Variants in IPCEF1 observed in about 807,000 individuals in gnomAD.
IPCEF1 encodes the protein interaction protein for cytohesin exchange factors 1, also known as interactor protein for cytohesin exchange factors 1.
A neutral mutation model predicts 50.9 loss-of-function variants in IPCEF1; 31 were observed. The observed-to-expected ratio is 0.61, with a 90% CI of 0.46 to 0.82. IPCEF1 has a LOEUF of 0.82. Among genes scored for constraint, IPCEF1 ranks in the 40% least tolerant of loss-of-function variants. The probability of loss-of-function intolerance (pLI) is 0.00; values close to 1 mark genes in which losing one functional copy is unlikely to be tolerated. For missense variants in IPCEF1, 458 were observed against 514.0 expected (o/e 0.89, Z 1.05); for synonymous variants, 181 against 192.0 (o/e 0.94, Z 0.47).
At position 154,159,861 on chromosome 6, in the gene IPCEF1, T is replaced by C. The variant is rs1798864301; in HGVS notation, c.1284A>G (p.Ser428=). The C allele has an allele frequency of 6.2e-7, 1 of 1,611,378 alleles. No homozygotes were observed. The highest frequency in any genetic ancestry group is 8.5e-7 in the Non-Finnish European group (1 of 1,179,468). The change falls in exon 12 of 12, where the codon TCA becomes TCG. Residue 428 remains serine (S), a synonymous_variant. Transcript: ENST00000367220. ...AATTTTCAACAGAGGGAGAAGAAGG[T>C]GATTTCTTGAGTTCCTGGGGGGTGT... ...TDDTPQELKK[S]PSSPSVENSI is the part of the protein sequence containing the mutation.
chr6:154,160,067 G>C, intron 11 of IPCEF1, 27 bp from the exon 12 acceptor site: 1 of 1,547,746 alleles, frequency 6.5e-7, no homozygotes, highest in South Asian at 1.1e-5. Context: ...AAAGGGGAAG[G>C]GGGTATGTTG....
chr6:154,292,439 T>G (rs1782538752), intron 1 of IPCEF1, among the ~76,000 whole-genome samples: 1 of 152,228 alleles, frequency 6.6e-6, no homozygotes, highest in South Asian at 2.1e-4. Context: ...AAATTTGCGC[T>G]ACAATCGCAT....
intron 3 of IPCEF1, among the ~76,000 whole-genome samples, chr6:154,254,068 A>G (rs1781402230): frequency 6.6e-6 from 1 of 152,094 alleles, no homozygotes; most frequent in African/African-American, 2.4e-5. Flanking sequence ...ACATTGGAAT[A>G]TGTATTTATA....
chr6:154,276,293 GA>G (rs1782060821), intron 2 of IPCEF1, among the ~76,000 whole-genome samples: 2 of 120,380 alleles, frequency 1.7e-5, no homozygotes, highest in Admixed American at 1.7e-4. Context: ...GAAAAAAAAA[GA>G]AAAGAAAAGA....
chr6:154,199,920 G>A lies in IPCEF1; in HGVS notation c.658C>T (p.Gln220Ter). ...SFPSSLSKER[Q>*]SLPDTVNSLS... The stretch of plus-strand genomic sequence containing the variant: ...CTGTTAACTGTGTCAGGCAAGGATT[G>A]TCTCTCTTTAGATAAGGAGGAAGGA... Residue 220 changes from glutamine to a stop codon, truncating the protein, a stop_gained, in exon 10 of 12, where the codon CAA (glutamine) becomes TAA (stop). Transcript: ENST00000367220. LOFTEE classifies it high-confidence loss of function. The A allele has an allele frequency of 5.6e-6, 9 of 1,614,202 alleles. No individual in the cohort carries two copies. The highest frequency in any genetic ancestry group is 7.6e-6 in the Non-Finnish European group (9 of 1,180,040).
intron 10 of IPCEF1, among the ~76,000 whole-genome samples, chr6:154,190,650 C>T (rs1801791742): frequency 6.6e-6 from 1 of 152,166 alleles, no homozygotes; most frequent in South Asian, 2.1e-4. Context: ...AGCAATTGTA[C>T]TCATTGCTAT....
chr6:154,344,813 T>G (rs1324752137), intron 1 of IPCEF1, among the ~76,000 whole-genome samples: 2 of 152,160 alleles, frequency 1.3e-5, no homozygotes, highest in Admixed American at 6.6e-5. Flanking sequence ...TGGATCATGC[T>G]CTCTCTAACT....
intron 10 of IPCEF1, among the ~76,000 whole-genome samples, chr6:154,194,026 G>T (rs1276644512): frequency 6.6e-6 from 1 of 152,208 alleles, no homozygotes; most frequent in East Asian, 1.9e-4. Context: ...GCAGGAATTT[G>T]TGACCATGAG....
intron 2 of IPCEF1, among the ~76,000 whole-genome samples, chr6:154,276,698 T>C (rs1782071993): frequency 6.6e-6 from 1 of 152,244 alleles, no homozygotes; most frequent in Non-Finnish European, 1.5e-5. Flanking sequence ...CAGAATAATC[T>C]TTGCCTTTTC....
intron 5 of IPCEF1, among the ~76,000 whole-genome samples, chr6:154,238,548 G>T (rs1342937950): frequency 6.6e-6 from 1 of 152,176 alleles, no homozygotes; most frequent in African/African-American, 2.4e-5. Context: ...TCATAGGCAT[G>T]AGCCACTACA....
intron 1 of IPCEF1, among the ~76,000 whole-genome samples, chr6:154,326,605 G>A (rs1310152881): frequency 2.6e-5 from 4 of 152,140 alleles, no homozygotes; most frequent in South Asian, 4.1e-4. Flanking sequence ...CTCTTGAATC[G>A]GAAGAATTAA....
intron 11 of IPCEF1, among the ~76,000 whole-genome samples, chr6:154,167,022 C>T (rs1799493450): frequency 6.6e-6 from 1 of 152,144 alleles, no homozygotes; most frequent in Non-Finnish European, 1.5e-5. Context: ...TACTGACTAA[C>T]TGGGACGCCT....
chr6:154,175,413 AATAG>A (rs1299719154), intron 10 of IPCEF1, among the ~76,000 whole-genome samples: 1 of 151,946 alleles, frequency 6.6e-6, no homozygotes, highest in Non-Finnish European at 1.5e-5. Flanking sequence ...AGATCAACAA[AATAG>A]ATAGAATGGT....
intron 2 of IPCEF1, among the ~76,000 whole-genome samples, chr6:154,274,597 C>T (rs1159803058): frequency 1.3e-5 from 2 of 152,204 alleles, no homozygotes; most frequent in Non-Finnish European, 2.9e-5. Context: ...TTGGCCATGC[C>T]CCTCTTGGAG....
intron 9 of IPCEF1, among the ~76,000 whole-genome samples, chr6:154,209,838 T>G (rs912775278): frequency 7.9e-5 from 12 of 152,134 alleles, no homozygotes; most frequent in Admixed American, 5.9e-4. Context: ...AAAATCTAAC[T>G]GTTCAACGTT....
rs886979531 is a variant in IPCEF1, at chr6:154,247,318, T to G, written c.76+131A>C. On this transcript the variant is annotated intron_variant, in intron 4 of 11. Coordinates refer to ENST00000367220, the MANE Select transcript of IPCEF1 (RefSeq NM_001130700.2). ...AATCGATTCAACAATAACCAAAAAT[T>G]AATCTGCCGTCCACCTCCTCTTATT... 14 of 685,704 alleles carry G rather than the reference T, an allele frequency of 2.0e-5. No homozygotes were observed. The Admixed American group carries it at 3.5e-4, about 17-fold the overall frequency. The allele number at this position is 685,704 out of a possible 1,614,324, so 42.5% of individuals were successfully genotyped here.
In IPCEF1 at chr6:154,159,008, G is replaced by A. The variant is rs1277937072; in HGVS notation, c.*820C>T. On this transcript the variant is annotated 3_prime_UTR_variant, in exon 12 of 12. Coordinates refer to ENST00000367220, the MANE Select transcript of IPCEF1 (RefSeq NM_001130700.2). ...AAACCTGGATATAAATTCACACTAT[G>A]TATAGGGATCACAGCCAAGGACAAG... The A allele has an allele frequency of 1.3e-5, 2 of 152,154 alleles. No homozygotes were observed. Among genetic ancestry groups the A allele is most frequent in the Admixed American group, 6.5e-5 (1 of 15,274 alleles). The allele number at this position is 152,154 out of a possible 1,614,324, so 9.4% of individuals were successfully genotyped here.
At chr6:154,205,483 T>C (rs1777415806) in intron 9 of IPCEF1, among the ~76,000 whole-genome samples, 1 of 152,046 alleles carries the variant, frequency 6.6e-6, no homozygotes, top group African/African-American at 2.4e-5. Context: ...TAATCCCAGC[T>C]ACTTGGGAGG....
At chr6:154,199,232 T>C (rs913424348) in intron 10 of IPCEF1, among the ~76,000 whole-genome samples, 1 of 152,220 alleles carries the variant, frequency 6.6e-6, no homozygotes, top group African/African-American at 2.4e-5. Flanking sequence ...GGCTAAGAAT[T>C]AGATACTGTC....
Sources: allele counts gnomAD v4.1 joint callset (sites outside exome capture counted in the v4.1 genomes callset), GRCh38; gene constraint gnomAD v4.1.1; transcripts MANE v1.5; gene names NCBI Gene and HGNC (gene_info 2026-07-23, HGNC 2026-07-21).